The following DMXL2 variants were observed in gnomAD, a reference collection of about 807,000 sequenced individuals.
DMXL2 encodes the protein Dmx like 2.
In DMXL2, 103 loss-of-function variants were observed where a neutral mutation model predicts 331.1. The ratio of observed to expected loss-of-function variants is 0.31; its 90% CI spans 0.27 to 0.37. DMXL2 has a LOEUF of 0.37. DMXL2 is among the 10% of genes least tolerant of loss of function. The pLI, the probability that DMXL2 is intolerant of heterozygous loss-of-function variation, is 1.00. For missense variants in DMXL2, 3,171 were observed against 3,642.9 expected, an observed-to-expected ratio of 0.87 and a Z score of 3.33; for synonymous variants, 1,281 against 1,252.1, an observed-to-expected ratio of 1.02 and a Z score of -0.49.
intron 32 of DMXL2, 74 bp from the exon 33 acceptor site, chr15:51,463,570 T>G: frequency 1.1e-6 from 1 of 899,620 alleles, no homozygotes; most frequent in South Asian, 1.9e-5. Context: ...ATATTTATTT[T>G]TAAAACCTTC....
chr15:51,470,526 C>T (rs1250928096), intron 29 of DMXL2, among the ~76,000 whole-genome samples: 4 of 152,174 alleles, frequency 2.6e-5, no homozygotes, highest in Middle Eastern at 3.4e-3. Flanking sequence ...GCGGGATCAG[C>T]GCCTCAATAA....
At position 51,576,183 on chromosome 15, in the gene DMXL2, TAAAAAAAAAAA is replaced by T; in HGVS notation, c.88-13_88-3del. On this transcript the variant is annotated splice_region_variant and splice_polypyrimidine_tract_variant and intron_variant, in intron 1 of 43. Coordinates refer to ENST00000560891, the MANE Select transcript of DMXL2 (RefSeq NM_001378457.1). ...AATATCACAGCCTGATCCATATGCCTAAAAAAAAAAAAAAAAAAAAGTTTTACAATACATAA... is the reference window on the plus strand; with the variant it reads ...AATATCACAGCCTGATCCATATGCCTAAAAAAAAAGTTTTACAATACATAA... 2 of 626,282 alleles carry T rather than the reference TAAAAAAAAAAA, an allele frequency of 3.2e-6. No individual in the cohort carries two copies. The highest frequency in any genetic ancestry group is 4.1e-6 in the Non-Finnish European group (2 of 493,544). The allele number at this position is 626,282 out of a possible 1,614,324, so 38.8% of individuals were successfully genotyped here. A position where few individuals can be genotyped will look rare whatever the true frequency, so the allele number is the denominator to read the frequency against.
At chr15:51,583,457 C>G (rs1157012275) in intron 1 of DMXL2, among the ~76,000 whole-genome samples, 2 of 46,862 alleles carry the variant, frequency 4.3e-5, no homozygotes, top group Non-Finnish European at 8.6e-5. Context: ...GATATGAACT[C>G]ATCATTTTTT....
chr15:51,561,437 G>GCTGC (rs958116018), intron 6 of DMXL2, among the ~76,000 whole-genome samples: 4 of 152,150 alleles, frequency 2.6e-5, no homozygotes, highest in Non-Finnish European at 4.4e-5. Flanking sequence ...GTGAGGCTTT[G>GCTGC]CTGCAGACAG....
At chr15:51,532,886 T>C (rs2048085098) in intron 13 of DMXL2, among the ~76,000 whole-genome samples, 1 of 152,172 alleles carries the variant, frequency 6.6e-6, no homozygotes, top group Non-Finnish European at 1.5e-5. Flanking sequence ...CCATTTATAA[T>C]GAGATGATTA....
At chr15:51,596,943 G>C (rs2052861684) in intron 1 of DMXL2, among the ~76,000 whole-genome samples, 1 of 152,122 alleles carries the variant, frequency 6.6e-6, no homozygotes, top group Non-Finnish European at 1.5e-5. Context: ...AGGGGGGTGG[G>C]ATAGCATTAG....
At chr15:51,466,464 G>A in intron 29 of DMXL2, 153 bp from the exon 30 acceptor site, 1 of 247,046 alleles carries the variant, frequency 4.0e-6, no homozygotes, top group Non-Finnish European at 6.8e-6. Context: ...ATTTTAAATG[G>A]TGTCAGCATA....
chr15:51,460,242 T>C (rs2039996363), intron 33 of DMXL2: 1 of 985,694 alleles, frequency 1.0e-6, no homozygotes, highest in Non-Finnish European at 1.2e-6. Context: ...TCTGCTCTGC[T>C]GTGGAAACTC....
intron 15 of DMXL2, among the ~76,000 whole-genome samples, chr15:51,508,238 G>A (rs1221502225): frequency 6.6e-6 from 1 of 152,144 alleles, no homozygotes; most frequent in Non-Finnish European, 1.5e-5. Flanking sequence ...ATGACAGGTT[G>A]ATGGGTGCAG....
At chr15:51,466,146 GCC>G in intron 30 of DMXL2, 36 bp downstream of exon 30, 1 of 1,371,590 alleles carries the variant, frequency 7.3e-7, no homozygotes, top group South Asian at 1.4e-5. Context: ...AAAAAGAAAA[GCC>G]AAAAAAAAAA....
chr15:51,547,755 T>C (rs1459454425), intron 6 of DMXL2, among the ~76,000 whole-genome samples: 3 of 152,122 alleles, frequency 2.0e-5, no homozygotes, highest in Non-Finnish European at 1.5e-5. Flanking sequence ...CCATGCTATC[T>C]TTTCAGTCAT....
chr15:51,601,290 C>CAAAAAAA lies in DMXL2; in HGVS notation c.87+21162_87+21168dup, dbSNP rs200188441. Among the ~76,000 whole-genome samples the CAAAAAAA allele has an allele frequency of 1.8e-4, 17 of 96,610 alleles. 3 individuals are homozygous for CAAAAAAA. Among genetic ancestry groups the CAAAAAAA allele is most frequent in the Admixed American group, 3.6e-4 (3 of 8,360 alleles). The allele number at this position is 96,610 out of a possible 152,430, so 63.4% of individuals were successfully genotyped here. On this transcript the variant is annotated intron_variant, in intron 1 of 43. Transcript: ENST00000560891. ...TGGGTGACAAAGCAAGACTCCATCT[C>CAAAAAAA]AAAAAAAAAAAAAAAAATTTGATGT... is the stretch of plus-strand genomic sequence containing the variant.
At chr15:51,509,491 C>T (rs1444763953) in intron 15 of DMXL2, among the ~76,000 whole-genome samples, 1 of 152,178 alleles carries the variant, frequency 6.6e-6, no homozygotes, top group African/African-American at 2.4e-5. Flanking sequence ...CATACACCCT[C>T]CAAAGACTAA....
chr15:51,563,286 G>C (rs2050078660), intron 6 of DMXL2, 95 bp downstream of exon 6: 2 of 1,074,148 alleles, frequency 1.9e-6, no homozygotes, highest in Non-Finnish European at 2.7e-6. Context: ...GATTATCCCA[G>C]TTTTACAGAT....
chr15:51,488,236 A>T (rs1371070729), intron 21 of DMXL2, 117 bp from the exon 22 acceptor site: 1 of 992,882 alleles, frequency 1.0e-6, no homozygotes, highest in African/African-American at 1.7e-5. Flanking sequence ...CAATAACTTC[A>T]AGGACAGGCA....
intron 2 of DMXL2, among the ~76,000 whole-genome samples, chr15:51,572,575 A>G (rs2050744778): frequency 6.6e-6 from 1 of 152,198 alleles, no homozygotes; most frequent in South Asian, 2.1e-4. Context: ...CACATCAAAA[A>G]GCTTGTCCAT....
chr15:51,583,109 TTTTTTTTTTTTC>T (rs1252895663), intron 1 of DMXL2, among the ~76,000 whole-genome samples: 2,910 of 47,328 alleles, frequency 0.061, 45 homozygotes, highest in African/African-American at 0.085. Context: ...CATTCTTCTT[TTTTTTTTTTTTC>T]TTTTTTTTTT....
intron 1 of DMXL2, among the ~76,000 whole-genome samples, chr15:51,587,697 C>G (rs1418695382): frequency 6.6e-6 from 1 of 152,188 alleles, no homozygotes. Context: ...AATGGGATGG[C>G]TGGGTCAGAT....
At position 51,458,626 on chromosome 15, in the gene DMXL2, G is replaced by T; in HGVS notation, c.8078C>A (p.Ala2693Glu). 1 of 1,613,914 alleles carries T rather than the reference G, an allele frequency of 6.2e-7. No homozygotes were observed. ...DMIMAFSVNK[A>E]NCNEIVLAST... Reference sequence around the variant, plus strand: ...AGCCAAAACAATTTCATTACAATTTGCCTATAAAGCAAAGGCAGAATCGAT... The same window carrying T: ...AGCCAAAACAATTTCATTACAATTTTCCTATAAAGCAAAGGCAGAATCGAT... Residue 2693 changes from alanine to glutamate, a missense_variant and splice_region_variant, in exon 36 of 44, where the codon GCA becomes GAA. This residue lies in a region of DMXL2 where 766 missense variants were observed against 940.5 expected (regional missense o/e 0.81). Coordinates refer to ENST00000560891, the MANE Select transcript of DMXL2 (RefSeq NM_001378457.1).
Sources: gnomAD v4.1 joint callset for allele counts (sites outside exome capture counted in the v4.1 genomes callset) on GRCh38, gnomAD v4.1.1 for gene constraint, gnomAD v4.1.1 regional missense constraint, MANE v1.5 for transcripts, NCBI Gene and HGNC (gene_info 2026-07-23, HGNC 2026-07-21) for gene names.